UMAD1: variants seen among roughly 807,000 people sequenced by gnomAD.
UMAD1 encodes the protein UBAP1-MVB12-associated (UMA)-domain containing protein 1.
In UMAD1, 8 loss-of-function variants were observed where a neutral mutation model predicts 6.1. The observed-to-expected ratio is 1.30, with a 90% CI of 0.76 to 2.35. The LOEUF is 2.35. UMAD1 is among the 30% of genes most tolerant of loss of function. The probability of loss-of-function intolerance (pLI) is 0.00; values close to 1 mark genes in which losing one functional copy is unlikely to be tolerated. For missense variants in UMAD1, 130 were observed against 78.4 expected (o/e 1.66, Z -2.49); for synonymous variants, 56 against 31.4 (o/e 1.78, Z -2.61).
chr7:7,682,092 T>C (rs1779927167), intron 2 of UMAD1, among the ~76,000 whole-genome samples: 1 of 152,130 alleles, frequency 6.6e-6, no homozygotes, highest in African/African-American at 2.4e-5. Context: ...TTGTAGAGAT[T>C]AAAGGAATTG....
chr7:7,756,505 C>T (rs535613207), intron 2 of UMAD1, among the ~76,000 whole-genome samples: 1 of 152,130 alleles, frequency 6.6e-6, no homozygotes, highest in Non-Finnish European at 1.5e-5. Flanking sequence ...GGATCTTATT[C>T]TTTGTGTGAA....
chr7:7,692,035 C>G (rs1052012895), intron 2 of UMAD1, among the ~76,000 whole-genome samples: 1 of 152,170 alleles, frequency 6.6e-6, no homozygotes. Flanking sequence ...AGCTTCTACA[C>G]ATAGTACAGT....
chr7:7,818,294 C>G (rs141161316), intron 3 of UMAD1, among the ~76,000 whole-genome samples: 54 of 152,256 alleles, frequency 3.5e-4, no homozygotes, highest in African/African-American at 1.3e-3. Flanking sequence ...CCATCCATGT[C>G]CCTGCAAAGG....
intron 1 of UMAD1, among the ~76,000 whole-genome samples, chr7:7,656,822 A>G (rs1333956412): frequency 2.0e-5 from 3 of 152,190 alleles, no homozygotes; most frequent in South Asian, 4.1e-4. Flanking sequence ...TCCTTTGGGT[A>G]TATACCCAGT....
chr7:7,709,003 AGAG>A (rs781245137), intron 2 of UMAD1, among the ~76,000 whole-genome samples: 23 of 151,964 alleles, frequency 1.5e-4, no homozygotes, highest in Non-Finnish European at 2.8e-4. Context: ...GGAAAAGAGG[AGAG>A]GAGGAGAAGA....
At chr7:7,866,576 G>A (rs1273993452) in intron 3 of UMAD1, among the ~76,000 whole-genome samples, 1 of 152,202 alleles carries the variant, frequency 6.6e-6, no homozygotes, top group Non-Finnish European at 1.5e-5. Flanking sequence ...GAGAAAGTGT[G>A]TGTACACACA....
chr7:7,868,801 T>C (rs1471996892), intron 3 of UMAD1, among the ~76,000 whole-genome samples: 1 of 152,178 alleles, frequency 6.6e-6, no homozygotes, highest in African/African-American at 2.4e-5. Context: ...AATTTCTGTA[T>C]CAGTGACAAC....
rs141602455 is a variant in UMAD1, at chr7:7,677,664, G to GTTT, written c.82+4236_82+4238dup. On this transcript the variant is annotated intron_variant, in intron 2 of 3. Coordinates refer to ENST00000682710, the MANE Select transcript of UMAD1 (RefSeq NM_001302348.2). Reference sequence around the variant, plus strand: ...TCTTTATCTATTCATCTGTTTTTTTGTTTTTTTTTTTTTTTTTTTTTTTTT... The same window carrying GTTT: ...TCTTTATCTATTCATCTGTTTTTTTGTTTTTTTTTTTTTTTTTTTTTTTTTTTT... Among the ~76,000 whole-genome samples, 46 of 113,500 alleles carry GTTT rather than the reference G, an allele frequency of 4.1e-4. 2 individuals carry two copies. Among genetic ancestry groups the GTTT allele is most frequent in the African/African-American group, 1.6e-3 (45 of 28,054 alleles). The allele number at this position is 113,500 out of a possible 152,430, so 74.5% of individuals were successfully genotyped here.
At chr7:7,735,241 C>T (rs1034657914) in intron 2 of UMAD1, among the ~76,000 whole-genome samples, 3 of 152,020 alleles carry the variant, frequency 2.0e-5, no homozygotes, top group Admixed American at 6.6e-5. Context: ...TAACCCATTA[C>T]GGGATCAAAT....
At chr7:7,806,051 AG>A (rs1563220927) in intron 3 of UMAD1, among the ~76,000 whole-genome samples, 1 of 152,168 alleles carries the variant, frequency 6.6e-6, no homozygotes, top group African/African-American at 2.4e-5. Flanking sequence ...GCCAGGTTAA[AG>A]GCCTAAATGT....
intron 2 of UMAD1, among the ~76,000 whole-genome samples, chr7:7,787,111 A>G (rs1782475879): frequency 6.6e-6 from 1 of 152,196 alleles, no homozygotes; most frequent in Admixed American, 6.5e-5. Flanking sequence ...AACTTATTTG[A>G]AAACACTGAG....
rs1304189425 is a variant in UMAD1, at chr7:7,847,099, AAAAAAATATATATATATATATATATAT to A, written c.157-30180_157-30154del. 5.9e-3 allele frequency among the ~76,000 whole-genome samples: 264 copies of A among 44,548 alleles called. 17 individuals carry two copies. Among genetic ancestry groups the A allele is most frequent in the African/African-American group, 0.014 (85 of 6,286 alleles). 29.2% of individuals were successfully genotyped at this position (44,548 alleles called of 152,430 possible). On this transcript the variant is annotated intron_variant, in intron 3 of 3. Coordinates refer to ENST00000682710, the MANE Select transcript of UMAD1 (RefSeq NM_001302348.2). ...AAAGACAGCAATGCAAAAAAAAAAA[AAAAAAATATATATATATATATATATAT>A]ATATATATATATATATATATATATA...
At chr7:7,776,965 A>T (rs1030169850) in intron 2 of UMAD1, among the ~76,000 whole-genome samples, 2 of 152,228 alleles carry the variant, frequency 1.3e-5, no homozygotes, top group Non-Finnish European at 2.9e-5. Context: ...TTATGTCTAC[A>T]CGAGCAAATG....
At chr7:7,660,763 C>G (rs1250367710) in intron 1 of UMAD1, among the ~76,000 whole-genome samples, 1 of 135,106 alleles carries the variant, frequency 7.4e-6, no homozygotes, top group East Asian at 2.3e-4. Flanking sequence ...CTTGGTGAAT[C>G]TGGCAATTAT....
chr7:7,810,902 C>T (rs936422249), intron 3 of UMAD1, among the ~76,000 whole-genome samples: 9 of 152,310 alleles, frequency 5.9e-5, no homozygotes, highest in Non-Finnish European at 1.2e-4. Context: ...AGTACCACAT[C>T]TGACCACAAT....
intron 2 of UMAD1, among the ~76,000 whole-genome samples, chr7:7,699,948 C>T (rs1467307673): frequency 1.3e-5 from 2 of 152,106 alleles, no homozygotes; most frequent in Non-Finnish European, 2.9e-5. Context: ...AAATAAATTC[C>T]TGAAGTGAAA....
intron 2 of UMAD1, among the ~76,000 whole-genome samples, chr7:7,699,186 G>C (rs1780395449): frequency 6.6e-6 from 1 of 152,044 alleles, no homozygotes; most frequent in Admixed American, 6.6e-5. Flanking sequence ...GTGCTGAGTT[G>C]ACTGATTATG....
At chr7:7,818,111 G>A (rs767788481) in intron 3 of UMAD1, among the ~76,000 whole-genome samples, 1 of 152,158 alleles carries the variant, frequency 6.6e-6, no homozygotes, top group Non-Finnish European at 1.5e-5. Context: ...GTAGTACTTA[G>A]TTATTTTTTC....
intron 2 of UMAD1, among the ~76,000 whole-genome samples, chr7:7,695,210 G>A (rs560182122): frequency 1.3e-5 from 2 of 152,244 alleles, no homozygotes; most frequent in Admixed American, 1.3e-4. Context: ...CTGTTTCCAA[G>A]TAGAGAAAAT....
Sources: gnomAD v4.1 joint callset for allele counts (sites outside exome capture counted in the v4.1 genomes callset) on GRCh38, gnomAD v4.1.1 for gene constraint, MANE v1.5 for transcripts, NCBI Gene and HGNC (gene_info 2026-07-23, HGNC 2026-07-21) for gene names.